UNC80: variants seen among roughly 807,000 people sequenced by gnomAD.
UNC80 encodes unc-80 subunit of NALCN channel complex, also known as protein unc-80 homolog.
A neutral mutation model predicts 384.6 loss-of-function variants in UNC80; 164 were observed. The ratio of observed to expected loss-of-function variants is 0.43; its 90% CI spans 0.38 to 0.49. The LOEUF is 0.49. Ranked by LOEUF, UNC80 falls within the 20% of genes least tolerant of loss-of-function variation. The probability of loss-of-function intolerance (pLI) is 0.00; values close to 1 mark genes in which losing one functional copy is unlikely to be tolerated. For missense variants in UNC80, 3,330 were observed against 4,143.0 expected (o/e 0.80, Z 5.39); for synonymous variants, 1,486 against 1,527.8 (o/e 0.97, Z 0.64).
chr2:209,841,974 A>G (rs1291288395), intron 20 of UNC80, among the ~76,000 whole-genome samples: 1 of 152,194 alleles, frequency 6.6e-6, no homozygotes, highest in African/African-American at 2.4e-5. Flanking sequence ...AAAGTATTCT[A>G]TTTAGCTATC....
chr2:209,936,142 T>G (rs1208791722), intron 40 of UNC80, among the ~76,000 whole-genome samples: 1 of 152,176 alleles, frequency 6.6e-6, no homozygotes, highest in African/African-American at 2.4e-5. Context: ...TTACTACTCC[T>G]TTTGTCCTCA....
chr2:209,959,470 A>G lies in UNC80; in HGVS notation c.7587-19A>G. The stretch of plus-strand genomic sequence containing the variant: ...GAATACATTTTCAGACCCCTAGTTA[A>G]TCTTTCACAATTTCCCAGGGAAAAC... On this transcript the variant is annotated intron_variant, in intron 50 of 64. Transcript: ENST00000673920. 1.3e-6 allele frequency: 2 copies of G among 1,550,492 alleles called. No individual in the cohort carries two copies. Among genetic ancestry groups the G allele is most frequent in the Non-Finnish European group, 1.7e-6 (2 of 1,146,034 alleles).
rs1455690665 is a variant in UNC80, at chr2:209,839,478, T to G, written c.3250+48T>G. 1 of 1,543,732 alleles carries G rather than the reference T, an allele frequency of 6.5e-7. No homozygotes were observed. The highest frequency in any genetic ancestry group is 8.8e-7 in the Non-Finnish European group (1 of 1,140,326). On this transcript the variant is annotated intron_variant, in intron 19 of 64. Transcript: ENST00000673920. The surrounding 1 kb of genome is among the most constrained non-coding windows in gnomAD (Gnocchi z 4.1). ...TTATGGATTATCTTATTACCAACCA[T>G]GTCCTCAGATCAACTCAGTGATGCA... is the stretch of plus-strand genomic sequence containing the variant.
At chr2:209,992,600 C>T (rs1009343096) in intron 62 of UNC80, among the ~76,000 whole-genome samples, 4 of 152,096 alleles carry the variant, frequency 2.6e-5, no homozygotes, top group Non-Finnish European at 4.4e-5. Context: ...TCTGAATTTT[C>T]TTATTAGCAA....
intron 28 of UNC80, among the ~76,000 whole-genome samples, chr2:209,897,923 A>G (rs747436057): frequency 1.3e-5 from 2 of 152,180 alleles, no homozygotes; most frequent in Admixed American, 6.5e-5. Flanking sequence ...TTTAGATTTT[A>G]TATTTCTTCT....
At chr2:209,844,813 G>A (rs2082062325) in intron 21 of UNC80, among the ~76,000 whole-genome samples, 1 of 151,588 alleles carries the variant, frequency 6.6e-6, no homozygotes, top group Admixed American at 6.6e-5. Flanking sequence ...ATGTTGCCCA[G>A]GCTGGTCTTG....
At chr2:209,856,173 G>T (rs2082902217) in intron 22 of UNC80, among the ~76,000 whole-genome samples, 1 of 152,064 alleles carries the variant, frequency 6.6e-6, no homozygotes, top group Non-Finnish European at 1.5e-5. Context: ...GTGCTTTAAA[G>T]TAATAACCTT....
At chr2:209,870,342 C>G (rs538922412) in intron 22 of UNC80, among the ~76,000 whole-genome samples, 2 of 152,300 alleles carry the variant, frequency 1.3e-5, no homozygotes, top group East Asian at 1.9e-4. Flanking sequence ...TTACCAGACA[C>G]AGATTTGCAT....
At chr2:209,928,941 T>C (rs1221922557) in intron 36 of UNC80, among the ~76,000 whole-genome samples, 1 of 152,216 alleles carries the variant, frequency 6.6e-6, no homozygotes, top group Non-Finnish European at 1.5e-5. Context: ...TGTTTTCCTG[T>C]GCCTGGCTTA....
At position 209,866,490 on chromosome 2, in the gene UNC80, CCACACACACACACACACACA is replaced by C. The variant is rs71409845; in HGVS notation, c.3628-6243_3628-6224del. On this transcript the variant is annotated intron_variant, in intron 22 of 64. Transcript: ENST00000673920. ...ACATTCCATAATACAAAATGCACCC[CCACACACACACACACACACA>C]CACACACACACACACACACACACAG... is the stretch of plus-strand genomic sequence containing the variant. Among the ~76,000 whole-genome samples, 9 of 107,642 alleles carry C rather than the reference CCACACACACACACACACACA, an allele frequency of 8.4e-5. No homozygotes were observed. In the South Asian group the frequency reaches 3.1e-3, roughly 37 times the overall value. The allele number at this position is 107,642 out of a possible 152,430, so 70.6% of individuals were successfully genotyped here.
intron 7 of UNC80, among the ~76,000 whole-genome samples, chr2:209,800,415 C>T (rs963813350): frequency 2.0e-5 from 3 of 151,504 alleles, no homozygotes; most frequent in African/African-American, 7.3e-5. Context: ...TCCCCTTTAT[C>T]ATTTTTTACT....
intron 43 of UNC80, among the ~76,000 whole-genome samples, chr2:209,940,921 A>G (rs1444059018): frequency 1.3e-5 from 2 of 152,188 alleles, no homozygotes; most frequent in Admixed American, 6.5e-5. Context: ...CATCCCTGCT[A>G]TTTTCTAGCT....
At chr2:209,876,415 C>A (rs2084789308) in intron 23 of UNC80, among the ~76,000 whole-genome samples, 1 of 152,188 alleles carries the variant, frequency 6.6e-6, no homozygotes, top group Non-Finnish European at 1.5e-5. Context: ...GACGAATAAA[C>A]ATAGCCCTGA....
At chr2:209,803,022 AG>A (rs2078659254) in intron 7 of UNC80, among the ~76,000 whole-genome samples, 1 of 152,244 alleles carries the variant, frequency 6.6e-6, no homozygotes, top group African/African-American at 2.4e-5. Context: ...GTTCAAAACC[AG>A]CAAGGGAGAG....
chr2:209,791,530 CT>C (rs5838184), intron 6 of UNC80, among the ~76,000 whole-genome samples: 73,740 of 151,864 alleles, frequency 0.49, 20,064 homozygotes, highest in Admixed American at 0.6. Context: ...GGAATCTTCT[CT>C]TTCCTTCGTC....
Position 209,959,596 on chromosome 2 carries a change from T to C in UNC80, c.7694T>C (p.Ile2565Thr). 1.3e-6 allele frequency: 2 copies of C among 1,551,726 alleles called. No individual in the cohort carries two copies. The highest frequency in any genetic ancestry group is 1.7e-6 in the Non-Finnish European group (2 of 1,146,994). Residue 2565 changes from isoleucine to threonine, a missense_variant, in exon 51 of 65, where the codon ATT becomes ACT. This residue lies in a region of UNC80 where 1,049 missense variants were observed against 1,488.6 expected (regional missense o/e 0.70). Transcript: ENST00000673920. ...FRRPRESLLNICTEFYKHCGP... is the reference protein window; with the variant it reads ...FRRPRESLLNTCTEFYKHCGP... ...AGACCCCGGGAGTCCTTACTGAATA[T>C]TTGCACTGAGTTCTATAAGCACTGT...
At chr2:209,935,651 A>G in intron 39 of UNC80, 63 bp from the exon 40 acceptor site, 1 of 794,946 alleles carries the variant, frequency 1.3e-6, no homozygotes, top group Non-Finnish European at 1.9e-6. Context: ...TTAATATTTT[A>G]TGCTTTAAAA....
Position 209,931,364 on chromosome 2 carries a change from AACACACACACACACACACACACAC to A in UNC80, c.5994+340_5994+363del, listed in dbSNP as rs61386739. 1.2e-4 allele frequency among the ~76,000 whole-genome samples: 15 copies of A among 125,558 alleles called. 1 individual carries two copies. Among genetic ancestry groups the A allele is most frequent in the South Asian group, 5.9e-4 (2 of 3,382 alleles). 82.4% of individuals were successfully genotyped at this position (125,558 alleles called of 152,430 possible). ...TCCTCTTTTCCTATCTCTATGTTTA[AACACACACACACACACACACACAC>A]ACACACACACACACACACACACACA... On this transcript the variant is annotated intron_variant, in intron 38 of 64. Coordinates refer to ENST00000673920, the MANE Select transcript of UNC80 (RefSeq NM_001371986.1).
chr2:209,870,296 A>G (rs182644964), intron 22 of UNC80, among the ~76,000 whole-genome samples: 2 of 152,304 alleles, frequency 1.3e-5, no homozygotes, highest in East Asian at 1.9e-4. Context: ...TGACCTCTAA[A>G]CTGACATTCT....
Sources: gnomAD v4.1 joint callset for allele counts (sites outside exome capture counted in the v4.1 genomes callset) on GRCh38, gnomAD v4.1.1 for gene constraint, gnomAD v4.1.1 regional missense constraint, Gnocchi (gnomAD v3.1) non-coding constraint, MANE v1.5 for transcripts, NCBI Gene and HGNC (gene_info 2026-07-23, HGNC 2026-07-21) for gene names.